Variants in DLC1 observed in about 807,000 individuals in gnomAD.
The protein encoded by DLC1 is rho GTPase-activating protein 7.
Under a neutral mutation model 140.3 loss-of-function variants are expected in DLC1, and 54 were observed. The ratio of observed to expected loss-of-function variants is 0.38; its 90% CI spans 0.31 to 0.48. DLC1 has a LOEUF of 0.48. Among genes scored for constraint, DLC1 ranks in the 20% least tolerant of loss-of-function variants. DLC1 has a pLI of 0.96. For missense variants in DLC1, 2,536 were observed against 1,907.0 expected (o/e 1.33, Z -6.14); for synonymous variants, 986 against 728.1 (o/e 1.35, Z -5.70).
At position 13,305,258 on chromosome 8, in the gene DLC1, T is replaced by C. The variant is rs187670696; in HGVS notation, c.1348+11A>G. ...GATTGGCGAGAAAACAGAACCAAAA[T>C]GTCAACTTACCAGCCTTTTCCTTCT... On this transcript the variant is annotated intron_variant, in intron 5 of 17. Coordinates refer to ENST00000276297, the MANE Select transcript of DLC1 (RefSeq NM_182643.3). The C allele has an allele frequency of 5.0e-6, 8 of 1,608,960 alleles. No homozygotes were observed. The East Asian group carries it at 1.6e-4, about 32-fold the overall frequency.
intron 5 of DLC1, among the ~76,000 whole-genome samples, chr8:13,165,481 C>T (rs1331407387): frequency 6.6e-6 from 1 of 152,194 alleles, no homozygotes; most frequent in African/African-American, 2.4e-5. Context: ...GCTCCAGACC[C>T]AAAGTTGCAA....
Position 13,152,100 on chromosome 8 carries a change from G to A in DLC1, c.1349-36443C>T, listed in dbSNP as rs1013671543. 3.9e-5 allele frequency among the ~76,000 whole-genome samples: 6 copies of A among 152,130 alleles called. 1 individual carries two copies. Among genetic ancestry groups the A allele is most frequent in the South Asian group, 4.1e-4 (2 of 4,824 alleles). ...CCATGTTTACTAAATACAGTCTCAG[G>A]GTTGCTTTGAGTGCACAACTGTACT... On this transcript the variant is annotated intron_variant, in intron 5 of 17. Coordinates refer to ENST00000276297, the MANE Select transcript of DLC1 (RefSeq NM_182643.3).
intron 4 of DLC1, among the ~76,000 whole-genome samples, chr8:13,333,394 TTTTG>T (rs1037964012): frequency 8.9e-5 from 10 of 112,932 alleles, no homozygotes; most frequent in African/African-American, 1.6e-4. Flanking sequence ...CCTGGCTGAT[TTTTG>T]TTTGTTTGTT....
chr8:13,236,514 A>G (rs1829290508), intron 5 of DLC1, among the ~76,000 whole-genome samples: 1 of 152,152 alleles, frequency 6.6e-6, no homozygotes, highest in African/African-American at 2.4e-5. Context: ...TCCCACAGGA[A>G]ATTATGGACA....
intron 2 of DLC1, among the ~76,000 whole-genome samples, chr8:13,497,022 G>A (rs1267593148): frequency 5.3e-5 from 8 of 151,860 alleles, no homozygotes; most frequent in East Asian, 2.0e-4. Context: ...GGATGGTCTC[G>A]ATCTCCTGAC....
intron 4 of DLC1, among the ~76,000 whole-genome samples, chr8:13,381,739 A>C (rs1836272370): frequency 6.6e-6 from 1 of 152,198 alleles, no homozygotes; most frequent in Admixed American, 6.5e-5. Context: ...TGCTTGAACA[A>C]AACACTACTG....
chr8:13,354,233 C>G (rs909781903), intron 4 of DLC1, among the ~76,000 whole-genome samples: 1 of 152,078 alleles, frequency 6.6e-6, no homozygotes, highest in Admixed American at 6.6e-5. Context: ...TTCTAGGAAG[C>G]CTTTCATGGC....
At chr8:13,110,925 TA>T (rs1175349493) in intron 6 of DLC1, 102 bp from the exon 7 acceptor site, 11 of 1,010,946 alleles carry the variant, frequency 1.1e-5, no homozygotes, top group Non-Finnish European at 1.7e-5. Flanking sequence ...AGCAATATAC[TA>T]AGCACCTACT....
At chr8:13,546,963 A>G (rs987896431) in intron 1 of DLC1, among the ~76,000 whole-genome samples, 14 of 152,124 alleles carry the variant, frequency 9.2e-5, no homozygotes, top group Non-Finnish European at 1.9e-4. Flanking sequence ...TAAGTTGTAT[A>G]TATAAAAAAC....
intron 1 of DLC1, among the ~76,000 whole-genome samples, chr8:13,532,960 A>T (rs942462350): frequency 5.3e-5 from 8 of 152,194 alleles, no homozygotes; most frequent in Non-Finnish European, 8.8e-5. Context: ...AATTTTAATT[A>T]TTTTTTAGTT....
intron 1 of DLC1, among the ~76,000 whole-genome samples, chr8:13,553,239 T>TATATAG (rs1554542604): frequency 4.4e-5 from 6 of 135,764 alleles, no homozygotes; most frequent in Non-Finnish European, 7.9e-5. Flanking sequence ...TATATATATA[T>TATATAG]ATATATATAT....
At chr8:13,183,949 C>CT (rs893983886) in intron 5 of DLC1, among the ~76,000 whole-genome samples, 1 of 152,062 alleles carries the variant, frequency 6.6e-6, no homozygotes, top group African/African-American at 2.4e-5. Flanking sequence ...TGGTCCTGGA[C>CT]TTTTTTTGGA....
At position 13,114,693 on chromosome 8, in the gene DLC1, T is replaced by C. The variant is rs528754223; in HGVS notation, c.1420+893A>G. 3.9e-5 allele frequency among the ~76,000 whole-genome samples: 6 copies of C among 152,288 alleles called. No individual in the cohort carries two copies. In the South Asian group the frequency reaches 1.2e-3, roughly 32 times the overall value. On this transcript the variant is annotated intron_variant, in intron 6 of 17. Transcript: ENST00000276297. ...TTAGTATTTAGAATAAAAAGAGCCC[T>C]TATAAATCATTAAGAGAAGCATAAT...
intron 2 of DLC1, among the ~76,000 whole-genome samples, chr8:13,464,925 C>G (rs1465880743): frequency 6.6e-6 from 1 of 151,878 alleles, no homozygotes; most frequent in Non-Finnish European, 1.5e-5. Flanking sequence ...TATTTAAAAA[C>G]AGGGACTCAC....
At chr8:13,158,938 C>T (rs1824476825) in intron 5 of DLC1, among the ~76,000 whole-genome samples, 1 of 151,988 alleles carries the variant, frequency 6.6e-6, no homozygotes, top group African/African-American at 2.4e-5. Flanking sequence ...GGATGAGTGC[C>T]CTGAGCCCCT....
At chr8:13,493,058 C>G (rs1224305137) in intron 2 of DLC1, among the ~76,000 whole-genome samples, 1 of 152,176 alleles carries the variant, frequency 6.6e-6, no homozygotes, top group African/African-American at 2.4e-5. Context: ...AATTTACACA[C>G]CAACTAACCA....
intron 1 of DLC1, chr8:13,584,496 A>G (rs1013221665): frequency 2.6e-5 from 4 of 152,204 alleles, no homozygotes; most frequent in African/African-American, 2.4e-5. Context: ...TGTCATGATG[A>G]TATCATTTGA....
chr8:13,156,532 C>T (rs1332825029), intron 5 of DLC1, among the ~76,000 whole-genome samples: 3 of 152,176 alleles, frequency 2.0e-5, no homozygotes, highest in Non-Finnish European at 2.9e-5. Flanking sequence ...TATTTTCTCT[C>T]GGAAATTCTG....
chr8:13,209,558 G>A (rs548431080), intron 5 of DLC1, among the ~76,000 whole-genome samples: 3 of 152,212 alleles, frequency 2.0e-5, no homozygotes, highest in South Asian at 4.1e-4. Context: ...GTCCCTGCCC[G>A]AATCTCATGT....
Sources: allele counts gnomAD v4.1 joint callset (sites outside exome capture counted in the v4.1 genomes callset), GRCh38; gene constraint gnomAD v4.1.1; transcripts MANE v1.5; gene names NCBI Gene and HGNC (gene_info 2026-07-23, HGNC 2026-07-21).